The following PDE4D variants were observed in gnomAD, a reference collection of about 807,000 sequenced individuals.
PDE4D encodes the protein phosphodiesterase 4D, also known as 3',5'-cyclic-AMP phosphodiesterase 4D.
A neutral mutation model predicts 87.4 loss-of-function variants in PDE4D; 24 were observed. The observed-to-expected ratio is 0.27, with a 90% confidence interval of 0.20 to 0.39. The LOEUF is 0.39. Ranked by LOEUF, PDE4D falls within the 10% of genes least tolerant of loss-of-function variation. PDE4D has a pLI of 1.00. For missense variants in PDE4D, 714 were observed against 1,041.0 expected, an observed-to-expected ratio of 0.69 and a Z score of 4.32; for synonymous variants, 384 against 383.2, an observed-to-expected ratio of 1.00 and a Z score of -0.02.
At chr5:59,263,246 G>T (rs754820287) in intron 1 of PDE4D, among the ~76,000 whole-genome samples, 1 of 151,982 alleles carries the variant, frequency 6.6e-6, no homozygotes, top group African/African-American at 2.4e-5. Flanking sequence ...CAGGCATGGT[G>T]CTGGGAACAG....
intron 2 of PDE4D, among the ~76,000 whole-genome samples, chr5:60,037,138 T>A (rs890219535): frequency 1.3e-5 from 2 of 152,322 alleles, no homozygotes; most frequent in East Asian, 1.9e-4. Flanking sequence ...GATGAGAATG[T>A]ATGTGGATAA....
At chr5:60,247,032 T>C (rs1583201505) in intron 1 of PDE4D, among the ~76,000 whole-genome samples, 1 of 151,992 alleles carries the variant, frequency 6.6e-6, no homozygotes, top group African/African-American at 2.4e-5. Context: ...CATAGAGATG[T>C]GTTTTTGAAG....
rs529471507 is a variant in PDE4D, at chr5:59,696,527, T to C, written c.455+196641A>G. The stretch of plus-strand genomic sequence containing the variant: ...AAAGAGAGGGTAAGAATGGCGCTAG[T>C]GGAGAGGAATGCATTTGCAATGGTA... On this transcript the variant is annotated intron_variant, in intron 1 of 14. Coordinates refer to ENST00000340635, the MANE Select transcript of PDE4D (RefSeq NM_001104631.2). Among the ~76,000 whole-genome samples the C allele has an allele frequency of 7.2e-4, 110 of 152,150 alleles. 1 individual carries two copies. The highest frequency in any genetic ancestry group is 2.6e-3 in the African/African-American group (109 of 41,504).
intron 1 of PDE4D, among the ~76,000 whole-genome samples, chr5:59,592,561 ACTC>A (rs1166334127): frequency 4.6e-5 from 7 of 152,150 alleles, no homozygotes; most frequent in Admixed American, 4.6e-4. Flanking sequence ...TTTGGATCAT[ACTC>A]CTCAAGGTTA....
intron 1 of PDE4D, among the ~76,000 whole-genome samples, chr5:59,690,118 A>G (rs1280466168): frequency 1.3e-5 from 2 of 152,226 alleles, no homozygotes; most frequent in African/African-American, 4.8e-5. Flanking sequence ...GGAAGAATCA[A>G]TATCATGAAA....
intron 1 of PDE4D, chr5:60,448,818 G>A (rs569021071): frequency 6.6e-6 from 1 of 152,016 alleles, no homozygotes; most frequent in South Asian, 2.1e-4. Context: ...AGCTCCTGAC[G>A]CAACAGAGGG....
At chr5:60,227,324 T>C (rs1218069922) in intron 1 of PDE4D, among the ~76,000 whole-genome samples, 2 of 151,970 alleles carry the variant, frequency 1.3e-5, no homozygotes, top group East Asian at 3.9e-4. Context: ...ATATAAAGAT[T>C]AGAGAACTGA....
chr5:59,281,002 C>T (rs1765701379), intron 1 of PDE4D, among the ~76,000 whole-genome samples: 1 of 152,110 alleles, frequency 6.6e-6, no homozygotes, highest in African/African-American at 2.4e-5. Flanking sequence ...GTTAAACATA[C>T]AGCCATCCTT....
intron 1 of PDE4D, among the ~76,000 whole-genome samples, chr5:59,674,594 C>T (rs887681789): frequency 7.9e-5 from 12 of 152,140 alleles, no homozygotes; most frequent in Admixed American, 5.2e-4. Flanking sequence ...ATTCACACTG[C>T]CACCTCCTAA....
intron 1 of PDE4D, among the ~76,000 whole-genome samples, chr5:59,668,720 AAAG>A (rs201980727): frequency 7.2e-5 from 8 of 110,714 alleles, no homozygotes; most frequent in Admixed American, 3.5e-4. Context: ...TCAAGAAAAA[AAAG>A]AAGAAGAAGA....
Position 59,586,976 on chromosome 5 carries a change from G to C in PDE4D, c.455+306192C>G. 5.1e-6 allele frequency: 5 copies of C among 985,448 alleles called. No homozygotes were observed. The South Asian group carries it at 2.3e-4, about 46-fold the overall frequency. 61.0% of individuals were successfully genotyped at this position (985,448 alleles called of 1,614,324 possible). ...CCTGGGCAGAGGGGCTAGAAACCAT[G>C]TATCACCAAAGCCAACTTCTTTCCC... On this transcript the variant is annotated intron_variant, in intron 1 of 14. Coordinates refer to ENST00000340635, the MANE Select transcript of PDE4D (RefSeq NM_001104631.2).
At chr5:59,217,017 T>C (rs979469892) in intron 1 of PDE4D, among the ~76,000 whole-genome samples, 1 of 152,218 alleles carries the variant, frequency 6.6e-6, no homozygotes, top group Non-Finnish European at 1.5e-5. Context: ...CCCAAGTGTC[T>C]TGAGTAAATG....
chr5:59,598,672 G>A (rs1827053326), intron 1 of PDE4D, among the ~76,000 whole-genome samples: 2 of 152,106 alleles, frequency 1.3e-5, no homozygotes, highest in Non-Finnish European at 2.9e-5. Flanking sequence ...TAGACTGCAG[G>A]TCTAGTGTGC....
At chr5:60,321,144 C>T (rs1165195057) in intron 1 of PDE4D, among the ~76,000 whole-genome samples, 1 of 152,184 alleles carries the variant, frequency 6.6e-6, no homozygotes, top group Non-Finnish European at 1.5e-5. Context: ...TATCTGACTT[C>T]AAACTATACA....
intron 2 of PDE4D, among the ~76,000 whole-genome samples, chr5:60,172,601 T>G (rs1783566336): frequency 6.6e-6 from 1 of 152,098 alleles, no homozygotes; most frequent in Non-Finnish European, 1.5e-5. Flanking sequence ...AATGCTGTTG[T>G]GATTACAGAA....
chr5:59,876,851 T>C (rs1433896073), intron 1 of PDE4D, among the ~76,000 whole-genome samples: 1 of 152,064 alleles, frequency 6.6e-6, no homozygotes, highest in African/African-American at 2.4e-5. Flanking sequence ...AAAGGGAAAA[T>C]TACTGTTGCA....
chr5:60,325,281 A>G (rs933889442), intron 1 of PDE4D, among the ~76,000 whole-genome samples: 1 of 152,186 alleles, frequency 6.6e-6, no homozygotes, highest in Non-Finnish European at 1.5e-5. Flanking sequence ...TAGGGGGAAA[A>G]TAACCTCAAC....
chr5:59,880,169 G>A (rs1170078534), intron 1 of PDE4D, among the ~76,000 whole-genome samples: 1 of 152,030 alleles, frequency 6.6e-6, no homozygotes, highest in Admixed American at 6.6e-5. Context: ...AGCACAGCAG[G>A]AGCATAGCTC....
chr5:60,038,480 C>T (rs1296074300), intron 2 of PDE4D, among the ~76,000 whole-genome samples: 1 of 152,028 alleles, frequency 6.6e-6, no homozygotes, highest in South Asian at 2.1e-4. Flanking sequence ...TTCCACTGAT[C>T]TATATCTCTG....
Sources: gnomAD v4.1 joint callset for allele counts (sites outside exome capture counted in the v4.1 genomes callset) on GRCh38, gnomAD v4.1.1 for gene constraint, MANE v1.5 for transcripts, NCBI Gene and HGNC (gene_info 2026-07-23, HGNC 2026-07-21) for gene names.